TMEM132B: variants seen among roughly 807,000 people sequenced by gnomAD.
The protein encoded by TMEM132B is transmembrane protein 132B.
A neutral mutation model predicts 90.8 loss-of-function variants in TMEM132B; 18 were observed. That is an observed-to-expected ratio of 0.20 (90% confidence interval 0.14 to 0.29). TMEM132B has a LOEUF of 0.29. TMEM132B is among the 10% of genes least tolerant of loss of function. The probability of loss-of-function intolerance (pLI) is 1.00; values close to 1 mark genes in which losing one functional copy is unlikely to be tolerated. For missense variants in TMEM132B, 1,096 were observed against 1,326.8 expected (o/e 0.83, Z 2.70); for synonymous variants, 504 against 523.3 (o/e 0.96, Z 0.50).
intron 5 of TMEM132B, among the ~76,000 whole-genome samples, chr12:125,593,611 A>G (rs908715286): frequency 2.6e-5 from 4 of 152,078 alleles, no homozygotes; most frequent in East Asian, 1.9e-4. Context: ...AGGGTCCTCT[A>G]TTTCCCAGAG....
chr12:125,589,237 C>T (rs778596120), intron 5 of TMEM132B, among the ~76,000 whole-genome samples: 17 of 152,140 alleles, frequency 1.1e-4, no homozygotes, highest in Non-Finnish European at 1.9e-4. Flanking sequence ...AATCCCAGCA[C>T]TTTGGGAGGC....
At chr12:125,235,531 A>G (rs1873914520) in intron 1 of TMEM132B, among the ~76,000 whole-genome samples, 2 of 151,738 alleles carry the variant, frequency 1.3e-5, no homozygotes, top group South Asian at 4.2e-4. Flanking sequence ...TAATACATTC[A>G]CAACGTTGTG....
chr12:125,326,433 C>T, intron 1 of TMEM132B: 3 of 669,380 alleles, frequency 4.5e-6, no homozygotes, highest in South Asian at 3.6e-5. Flanking sequence ...CCTTGTTGAC[C>T]TGTTTCCAAT....
At chr12:125,608,584 A>G (rs1276100223) in intron 5 of TMEM132B, among the ~76,000 whole-genome samples, 2 of 152,202 alleles carry the variant, frequency 1.3e-5, no homozygotes, top group African/African-American at 2.4e-5. Context: ...TCAAGTCTAA[A>G]TGTAACCAAT....
intron 1 of TMEM132B, among the ~76,000 whole-genome samples, chr12:125,258,662 G>A (rs773340616): frequency 6.6e-5 from 10 of 152,140 alleles, no homozygotes; most frequent in Middle Eastern, 3.2e-3. Context: ...AATGGGAAGG[G>A]ACATAGACCC....
chr12:125,190,374 T>TGATGGGAAAGGGGTGGTGATGGG (rs1263800351), intron 1 of TMEM132B, among the ~76,000 whole-genome samples: 2 of 130,806 alleles, frequency 1.5e-5, no homozygotes, highest in East Asian at 4.3e-4. Context: ...GTGGTGATGG[T>TGATGGGAAAGGGGTGGTGATGGG]GATGGGAAAG....
intron 2 of TMEM132B, among the ~76,000 whole-genome samples, chr12:125,378,562 G>A (rs1440346384): frequency 6.6e-6 from 1 of 152,168 alleles, no homozygotes; most frequent in Non-Finnish European, 1.5e-5. Context: ...TGGATTCCAA[G>A]AAGCAAGATG....
chr12:125,208,897 T>A (rs1422625267), intron 1 of TMEM132B, among the ~76,000 whole-genome samples: 2 of 152,186 alleles, frequency 1.3e-5, no homozygotes, highest in African/African-American at 4.8e-5. Flanking sequence ...GTGTGCCCCT[T>A]CATGCCGTCA....
chr12:125,302,953 C>T (rs993733717), intron 1 of TMEM132B, among the ~76,000 whole-genome samples: 3 of 152,024 alleles, frequency 2.0e-5, no homozygotes, highest in African/African-American at 7.3e-5. Flanking sequence ...AAAAATTAGC[C>T]AGGCATGATG....
intron 1 of TMEM132B, among the ~76,000 whole-genome samples, chr12:125,247,498 A>T (rs1420435060): frequency 6.6e-6 from 1 of 152,148 alleles, no homozygotes; most frequent in East Asian, 1.9e-4. Flanking sequence ...TTCCTCGATG[A>T]TTCTTCAGGC....
intron 2 of TMEM132B, among the ~76,000 whole-genome samples, chr12:125,365,772 G>T (rs537925744): frequency 5.3e-5 from 8 of 151,958 alleles, no homozygotes; most frequent in Non-Finnish European, 1.2e-4. Context: ...TTTTTGGGCA[G>T]ATGTGATATT....
At chr12:125,216,011 T>C (rs537852876) in intron 1 of TMEM132B, among the ~76,000 whole-genome samples, 14 of 152,392 alleles carry the variant, frequency 9.2e-5, no homozygotes, top group African/African-American at 3.4e-4. Flanking sequence ...CAGCCATCTT[T>C]ATCTGCCCCT....
At chr12:125,367,684 G>T (rs2136263881) in intron 2 of TMEM132B, among the ~76,000 whole-genome samples, 1 of 152,222 alleles carries the variant, frequency 6.6e-6, no homozygotes, top group South Asian at 2.1e-4. Context: ...CTCAGAGTGG[G>T]TCTTCCTCTG....
At chr12:125,540,209 A>G (rs1883917455) in intron 4 of TMEM132B, among the ~76,000 whole-genome samples, 1 of 152,130 alleles carries the variant, frequency 6.6e-6, no homozygotes, top group Non-Finnish European at 1.5e-5. Context: ...TTTTATATTT[A>G]TTAAGACTAG....
intron 5 of TMEM132B, chr12:125,585,400 C>T (rs1885157056): frequency 6.6e-6 from 1 of 152,152 alleles, no homozygotes; most frequent in Admixed American, 6.5e-5. Context: ...GCACCAATGA[C>T]AAATATGGAT....
At chr12:125,601,744 G>GAATC (rs924839398) in intron 5 of TMEM132B, among the ~76,000 whole-genome samples, 1 of 151,990 alleles carries the variant, frequency 6.6e-6, no homozygotes, top group African/African-American at 2.4e-5. Flanking sequence ...AAAGAGAGAA[G>GAATC]AATCAAATAG....
At chr12:125,311,333 A>C (rs1019420447) in intron 1 of TMEM132B, among the ~76,000 whole-genome samples, 1 of 152,208 alleles carries the variant, frequency 6.6e-6, no homozygotes, top group Non-Finnish European at 1.5e-5. Context: ...ATTTTAAATC[A>C]AAGTTAATTG....
At chr12:125,269,378 A>C (rs1874769355) in intron 1 of TMEM132B, among the ~76,000 whole-genome samples, 1 of 152,174 alleles carries the variant, frequency 6.6e-6, no homozygotes, top group Admixed American at 6.5e-5. Flanking sequence ...GGAGCGAGGC[A>C]GGCAGCCTTT....
chr12:125,419,245 C>T (rs912818343), intron 3 of TMEM132B, among the ~76,000 whole-genome samples: 2 of 152,188 alleles, frequency 1.3e-5, no homozygotes, highest in Non-Finnish European at 2.9e-5. Context: ...TCCAATCCAG[C>T]TGTTCACTGT....
Sources: allele counts gnomAD v4.1 joint callset (sites outside exome capture counted in the v4.1 genomes callset), GRCh38; gene constraint gnomAD v4.1.1; transcripts MANE v1.5; gene names NCBI Gene and HGNC (gene_info 2026-07-23, HGNC 2026-07-21).